CPQ: variants seen among roughly 807,000 people sequenced by gnomAD.
The protein encoded by CPQ is Ser-Met dipeptidase.
CPQ carries 37 observed loss-of-function variants against 45.7 expected under a neutral mutation model. The ratio of observed to expected loss-of-function variants is 0.81; its 90% CI spans 0.62 to 1.07. CPQ has a LOEUF of 1.07. Ranked by LOEUF, CPQ falls within the 50% of genes least tolerant of loss-of-function variation. The probability of loss-of-function intolerance (pLI) is 0.00; values close to 1 mark genes in which losing one functional copy is unlikely to be tolerated. For missense variants in CPQ, 537 were observed against 572.9 expected (o/e 0.94, Z 0.64); for synonymous variants, 186 against 205.8 (o/e 0.90, Z 0.82).
chr8:96,785,450 A>G (rs1473952365), intron 2 of CPQ, 120 bp downstream of exon 2: 1 of 847,988 alleles, frequency 1.2e-6, no homozygotes, highest in African/African-American at 1.7e-5. Context: ...CATTGGCTTA[A>G]TGAGTTCTCT....
chr8:96,878,451 A>G (rs1438364943), intron 3 of CPQ, among the ~76,000 whole-genome samples: 5 of 152,312 alleles, frequency 3.3e-5, no homozygotes, highest in Non-Finnish European at 2.9e-5. Flanking sequence ...TTTCTGCAAA[A>G]TAACTCTATG....
intron 6 of CPQ, among the ~76,000 whole-genome samples, chr8:97,031,324 C>T (rs1417355321): frequency 6.6e-6 from 1 of 151,512 alleles, no homozygotes; most frequent in African/African-American, 2.4e-5. Context: ...GTAGCTGGGA[C>T]TCCAGGCGTG....
At chr8:96,967,932 TAAGC>T (rs1563541598) in intron 5 of CPQ, among the ~76,000 whole-genome samples, 1 of 152,216 alleles carries the variant, frequency 6.6e-6, no homozygotes. Context: ...GAAAATTAAA[TAAGC>T]AGAGTATACT....
intron 7 of CPQ, among the ~76,000 whole-genome samples, chr8:97,079,683 C>T (rs1014915543): frequency 6.6e-6 from 1 of 151,872 alleles, no homozygotes; most frequent in Non-Finnish European, 1.5e-5. Flanking sequence ...GAGTTCAGGC[C>T]AAAAGAAAGG....
intron 3 of CPQ, among the ~76,000 whole-genome samples, chr8:96,845,180 C>T (rs1811667460): frequency 6.6e-6 from 1 of 152,212 alleles, no homozygotes; most frequent in African/African-American, 2.4e-5. Context: ...CACTCTCCCT[C>T]AAACTCTCTC....
intron 1 of CPQ, among the ~76,000 whole-genome samples, chr8:96,650,131 T>C (rs1214942560): frequency 6.6e-6 from 1 of 152,228 alleles, no homozygotes; most frequent in African/African-American, 2.4e-5. Context: ...TCTCATCTTA[T>C]TCAGTTTGTC....
chr8:97,127,611 C>T (rs543630045), intron 7 of CPQ, among the ~76,000 whole-genome samples: 1 of 152,174 alleles, frequency 6.6e-6, no homozygotes, highest in East Asian at 1.9e-4. Context: ...ATTACTTGAA[C>T]CTGGGAAGTG....
At chr8:96,983,917 C>A (rs1027740714) in intron 5 of CPQ, among the ~76,000 whole-genome samples, 16 of 151,404 alleles carry the variant, frequency 1.1e-4, no homozygotes, top group Non-Finnish European at 4.4e-5. Context: ...TCCAATCTGA[C>A]AATAGCAGTT....
chr8:97,113,675 C>A (rs1465961534), intron 7 of CPQ, among the ~76,000 whole-genome samples: 1 of 152,094 alleles, frequency 6.6e-6, no homozygotes, highest in African/African-American at 2.4e-5. Context: ...ATAATCACAC[C>A]CATCTCTCAG....
At chr8:96,957,305 T>C (rs2130348387) in intron 4 of CPQ, among the ~76,000 whole-genome samples, 1 of 152,252 alleles carries the variant, frequency 6.6e-6, no homozygotes, top group South Asian at 2.1e-4. Flanking sequence ...CAGACTATCA[T>C]GGCTGGGTAT....
At chr8:96,763,279 C>A (rs1810428087) in intron 1 of CPQ, among the ~76,000 whole-genome samples, 1 of 152,104 alleles carries the variant, frequency 6.6e-6, no homozygotes, top group Non-Finnish European at 1.5e-5. Flanking sequence ...GCTTATAATT[C>A]ATGGATGAAA....
intron 2 of CPQ, among the ~76,000 whole-genome samples, chr8:96,819,316 GTGA>G (rs1275852797): frequency 6.6e-6 from 1 of 152,100 alleles, no homozygotes; most frequent in African/African-American, 2.4e-5. Context: ...ACTTTTGTAA[GTGA>G]TGATATCAGC....
At chr8:96,702,795 G>A (rs1809481327) in intron 1 of CPQ, among the ~76,000 whole-genome samples, 2 of 151,902 alleles carry the variant, frequency 1.3e-5, no homozygotes, top group Non-Finnish European at 2.9e-5. Flanking sequence ...GTAAACAAGT[G>A]TCTTCTTTGA....
intron 2 of CPQ, among the ~76,000 whole-genome samples, chr8:96,821,957 A>G (rs1403201053): frequency 6.6e-6 from 1 of 151,956 alleles, no homozygotes; most frequent in Non-Finnish European, 1.5e-5. Flanking sequence ...TTTCAAGTAT[A>G]CAATCTATTG....
rs900866092 is a variant in CPQ, at chr8:96,765,639, T to A, written c.-34-19225T>A. Among the ~76,000 whole-genome samples the A allele has an allele frequency of 3.9e-5, 6 of 152,216 alleles. No individual in the cohort carries two copies. In the East Asian group the frequency reaches 1.2e-3, roughly 29 times the overall value. On this transcript the variant is annotated intron_variant, in intron 1 of 7. Coordinates refer to ENST00000220763, the MANE Select transcript of CPQ (RefSeq NM_016134.4). ...CACAGGTCCAAACCCATGTTCCACA[T>A]AGTAGTATTATAATAGCACCATGGA...
At chr8:96,652,868 T>C (rs1406824652) in intron 1 of CPQ, among the ~76,000 whole-genome samples, 2 of 152,196 alleles carry the variant, frequency 1.3e-5, no homozygotes, top group Non-Finnish European at 2.9e-5. Context: ...TCTCCTGACC[T>C]CGTGATCCGC....
chr8:97,023,895 C>T lies in CPQ; in HGVS notation c.962-5508C>T, dbSNP rs189067657. On this transcript the variant is annotated intron_variant, in intron 5 of 7. Transcript: ENST00000220763. Reference sequence around the variant, plus strand: ...AGCCCATAGCTGGATCTGTCTGTGACTGCTGCCCTCTCTGGTGTCTGCTAT... The same window carrying T: ...AGCCCATAGCTGGATCTGTCTGTGATTGCTGCCCTCTCTGGTGTCTGCTAT... Among the ~76,000 whole-genome samples the T allele has an allele frequency of 1.7e-3, 253 of 152,352 alleles. 3 individuals carry two copies. The highest frequency in any genetic ancestry group is 0.013 in the Admixed American group (196 of 15,296).
In CPQ at chr8:97,123,062, TA is replaced by T. The variant is rs1251888032; in HGVS notation, c.1256-19950del. On this transcript the variant is annotated intron_variant, in intron 7 of 7. Coordinates refer to ENST00000220763, the MANE Select transcript of CPQ (RefSeq NM_016134.4). ...ATAAAATAAATAAAATAAAATAAAA[TA>T]AAAAAAATAAAATAAAATAAATAAA... 4.3e-3 allele frequency among the ~76,000 whole-genome samples: 128 copies of T among 29,732 alleles called. 14 individuals carry two copies. The highest frequency in any genetic ancestry group is 0.011 in the South Asian group (17 of 1,564). The allele number at this position is 29,732 out of a possible 152,430, so 19.5% of individuals were successfully genotyped here.
intron 5 of CPQ, among the ~76,000 whole-genome samples, chr8:97,025,411 T>C (rs1809780674): frequency 6.6e-6 from 1 of 152,224 alleles, no homozygotes; most frequent in Non-Finnish European, 1.5e-5. Flanking sequence ...CTGGAAATCA[T>C]ACTGTAGATT....
Sources: gnomAD v4.1 joint callset for allele counts (sites outside exome capture counted in the v4.1 genomes callset) on GRCh38, gnomAD v4.1.1 for gene constraint, MANE v1.5 for transcripts, NCBI Gene and HGNC (gene_info 2026-07-23, HGNC 2026-07-21) for gene names.